The following ASB3 variants were observed in gnomAD, a reference collection of about 807,000 sequenced individuals.
ASB3 encodes ankyrin repeat and SOCS box containing 3.
Under a neutral mutation model 54.5 loss-of-function variants are expected in ASB3, and 41 were observed. That is an observed-to-expected ratio of 0.75 (90% CI 0.59 to 0.98). The LOEUF (loss-of-function observed/expected upper bound fraction) is 0.98. ASB3 is among the 50% of genes least tolerant of loss of function. The pLI is 0.00. For synonymous variants in ASB3, 266 were observed against 221.2 expected, an observed-to-expected ratio of 1.20 and a Z score of -1.80; for missense variants, 733 against 620.0, an observed-to-expected ratio of 1.18 and a Z score of -1.94.
Position 53,698,198 on chromosome 2 carries a change from C to T in ASB3, c.1238+2073G>A, listed in dbSNP as rs139200116. Among the ~76,000 whole-genome samples the T allele has an allele frequency of 6.4e-3, 970 of 152,270 alleles. 12 individuals carry two copies. Among genetic ancestry groups the T allele is most frequent in the African/African-American group, 0.022 (931 of 41,554 alleles). ...TGCCTACAGAATTAGTACCACCCCA[C>T]AAACCCTCCTGAAAACCAATCTGAC... On this transcript the variant is annotated intron_variant, in intron 8 of 9. Coordinates refer to ENST00000263634, the MANE Select transcript of ASB3 (RefSeq NM_016115.5).
chr2:53,765,253 G>T, intron 2 of ASB3, 124 bp downstream of exon 2: 1 of 1,308,878 alleles, frequency 7.6e-7, no homozygotes, highest in Non-Finnish European at 1.0e-6. Flanking sequence ...ATAAATTCAG[G>T]CAGTTATTTT....
At chr2:53,746,681 T>G (rs1359312975) in intron 3 of ASB3, among the ~76,000 whole-genome samples, 1 of 152,114 alleles carries the variant, frequency 6.6e-6, no homozygotes, top group African/African-American at 2.4e-5. Flanking sequence ...GGTTTCACCA[T>G]GTTAGCCAGG....
At chr2:53,776,067 C>T (rs1485190000) in intron 1 of ASB3, among the ~76,000 whole-genome samples, 1 of 152,142 alleles carries the variant, frequency 6.6e-6, no homozygotes, top group Non-Finnish European at 1.5e-5. Context: ...ACCATAAGAA[C>T]TTCAGTATAA....
intron 1 of ASB3, among the ~76,000 whole-genome samples, chr2:53,769,262 A>G (rs1673719744): frequency 1.3e-5 from 2 of 152,210 alleles, no homozygotes; most frequent in South Asian, 2.1e-4. Flanking sequence ...TCTGATCCCA[A>G]CACTTCGGAA....
At position 53,693,890 on chromosome 2, in the gene ASB3, G is replaced by A; in HGVS notation, c.1363C>T (p.His455Tyr). 1 of 1,613,244 alleles carries A rather than the reference G, an allele frequency of 6.2e-7. No homozygotes were observed. Among genetic ancestry groups the A allele is most frequent in the East Asian group, 2.2e-5 (1 of 44,850 alleles). The stretch of plus-strand genomic sequence containing the variant: ...AAAAGTTATTCTTTCTTACCAATAT[G>A]TTGCTGTAGAATCCAAGCGTTTGAG... ...RASNAWILQQ[H>Y]IATVPSLTHL... Residue 455 changes from histidine to tyrosine, a missense_variant, in exon 9 of 10, where the codon CAT (histidine) becomes TAT (tyrosine). Transcript: ENST00000263634.
intron 1 of ASB3, among the ~76,000 whole-genome samples, chr2:53,777,979 T>C (rs1482783344): frequency 6.6e-6 from 1 of 151,892 alleles, no homozygotes; most frequent in Non-Finnish European, 1.5e-5. Flanking sequence ...AAACCCCGTC[T>C]CTACCAAAAA....
At chr2:53,714,623 G>A (rs1366981309) in intron 6 of ASB3, 42 bp from the exon 7 acceptor site, 3 of 1,581,886 alleles carry the variant, frequency 1.9e-6, no homozygotes, top group South Asian at 1.2e-5. Flanking sequence ...GTTTGTATAT[G>A]TGCATAAATG....
At chr2:53,759,784 C>T (rs573816201) in intron 2 of ASB3, among the ~76,000 whole-genome samples, 1 of 152,264 alleles carries the variant, frequency 6.6e-6, no homozygotes, top group South Asian at 2.1e-4. Flanking sequence ...CATTGGAAGG[C>T]CCACTGCCCC....
chr2:53,724,885 A>C (rs1257051989), intron 5 of ASB3, among the ~76,000 whole-genome samples: 1 of 152,222 alleles, frequency 6.6e-6, no homozygotes, highest in Non-Finnish European at 1.5e-5. Context: ...GAAATTTCTC[A>C]AAGAACTTAA....
At chr2:53,705,947 T>C (rs201983510) in intron 7 of ASB3, among the ~76,000 whole-genome samples, 15,598 of 152,168 alleles carry the variant, frequency 0.1, 960 homozygotes, top group Non-Finnish European at 0.14. Context: ...AAGGCACACA[T>C]CCGGGCAAGG....
chr2:53,765,727 T>C (rs1673408161), intron 1 of ASB3, 142 bp from the exon 2 acceptor site: 1 of 976,222 alleles, frequency 1.0e-6, no homozygotes, highest in Non-Finnish European at 1.5e-6. Context: ...GTGACTGCCA[T>C]GCCACAGTCT....
intron 5 of ASB3, among the ~76,000 whole-genome samples, chr2:53,727,446 G>C (rs1671063799): frequency 6.6e-6 from 1 of 152,020 alleles, no homozygotes; most frequent in Non-Finnish European, 1.5e-5. Flanking sequence ...TTGAGGTTGG[G>C]AGATTGAGAC....
At position 53,679,599 on chromosome 2, in the gene ASB3, T is replaced by G. The variant is rs1441081613; in HGVS notation, c.1370-8909A>C. On this transcript the variant is annotated intron_variant, in intron 9 of 9. Coordinates refer to ENST00000263634, the MANE Select transcript of ASB3 (RefSeq NM_016115.5). Reference sequence around the variant, plus strand: ...TCTCTGAATCTTTGATGTCGTTTTATAAACTGAGACCCTCTTGATCTATAA... The same window carrying G: ...TCTCTGAATCTTTGATGTCGTTTTAGAAACTGAGACCCTCTTGATCTATAA... 4.6e-5 allele frequency among the ~76,000 whole-genome samples: 7 copies of G among 152,306 alleles called. No homozygotes were observed. The South Asian group carries it at 1.5e-3, about 32-fold the overall frequency.
Position 53,701,542 on chromosome 2 carries a change from C to T in ASB3, c.981-1014G>A, listed in dbSNP as rs181425776. Among the ~76,000 whole-genome samples the T allele has an allele frequency of 4.9e-3, 741 of 152,092 alleles. 10 individuals are homozygous for T. Among genetic ancestry groups the T allele is most frequent in the Non-Finnish European group, 3.8e-3 (255 of 67,998 alleles). On this transcript the variant is annotated intron_variant, in intron 7 of 9. Transcript: ENST00000263634. ...AGCCAAATTGAAGAATATTTTAGAG[C>T]CAGATCTATGTTTTCCAAAGTAGGT...
Position 53,670,710 on chromosome 2 carries a change from A to C in ASB3, c.1370-20T>G, listed in dbSNP as rs770379066. The C allele has an allele frequency of 6.3e-5, 100 of 1,590,016 alleles. No homozygotes were observed. The highest frequency in any genetic ancestry group is 7.7e-5 in the Non-Finnish European group (90 of 1,170,368). The stretch of plus-strand genomic sequence containing the variant: ...CAGTGGCTGGAGAAACAAAAAAAGC[A>C]AGGTGAAACTTTTTTAAACAGAAAG... On this transcript the variant is annotated intron_variant, in intron 9 of 9. Transcript: ENST00000263634.
intron 3 of ASB3, among the ~76,000 whole-genome samples, chr2:53,745,676 T>C (rs1672182926): frequency 6.6e-6 from 1 of 152,240 alleles, no homozygotes; most frequent in Non-Finnish European, 1.5e-5. Context: ...CTATAGCCTC[T>C]AGCAATAGGC....
chr2:53,716,487 G>A, intron 6 of ASB3, 79 bp downstream of exon 6: 8 of 1,520,104 alleles, frequency 5.3e-6, no homozygotes, highest in Non-Finnish European at 7.1e-6. Context: ...TTGCCTAGAG[G>A]TGAAGGGTCT....
chr2:53,679,981 G>C (rs1668278965), intron 9 of ASB3, among the ~76,000 whole-genome samples: 1 of 152,002 alleles, frequency 6.6e-6, no homozygotes, highest in African/African-American at 2.4e-5. Flanking sequence ...CTTATAAGTG[G>C]GAACATGTAG....
chr2:53,710,050 G>C (rs1670004003), intron 7 of ASB3, among the ~76,000 whole-genome samples: 1 of 152,162 alleles, frequency 6.6e-6, no homozygotes, highest in Admixed American at 6.5e-5. Flanking sequence ...CCTGGCTCCT[G>C]TCAAGCTTGC....
Sources: gnomAD v4.1 joint callset for allele counts (sites outside exome capture counted in the v4.1 genomes callset) on GRCh38, gnomAD v4.1.1 for gene constraint, MANE v1.5 for transcripts, NCBI Gene and HGNC (gene_info 2026-07-23, HGNC 2026-07-21) for gene names.